The following RUFY4 variants were observed in gnomAD, a reference collection of about 807,000 sequenced individuals.
RUFY4 encodes RUN and FYVE domain-containing protein 4.
In RUFY4, 73 loss-of-function variants were observed where a neutral mutation model predicts 69.0. The ratio of observed to expected loss-of-function variants is 1.06; its 90% CI spans 0.88 to 1.29. RUFY4 has a LOEUF of 1.29. Among genes scored for constraint, RUFY4 ranks in the 50% most tolerant of loss-of-function variants. The pLI is 0.00. For synonymous variants in RUFY4, 287 were observed against 271.8 expected, an observed-to-expected ratio of 1.06 and a Z score of -0.55; for missense variants, 770 against 705.6, an observed-to-expected ratio of 1.09 and a Z score of -1.03.
At position 218,089,944 on chromosome 2, in the gene RUFY4, C is replaced by T; in HGVS notation, c.1614-8C>T. On this transcript the variant is annotated splice_region_variant and splice_polypyrimidine_tract_variant and intron_variant, in intron 10 of 10. Transcript: ENST00000344321. ...GCCGCCCCAGGCTTTCCTGCCTCTG[C>T]CTTCCAGGCTCTGTGGAGGCCTGCT... The T allele has an allele frequency of 6.4e-7, 1 of 1,553,260 alleles. No individual in the cohort carries two copies. The highest frequency in any genetic ancestry group is 8.7e-7 in the Non-Finnish European group (1 of 1,147,578).
At chr2:218,082,236 C>T (rs529875118) in intron 8 of RUFY4, among the ~76,000 whole-genome samples, 1 of 152,316 alleles carries the variant, frequency 6.6e-6, no homozygotes, top group East Asian at 1.9e-4. Flanking sequence ...TTTACTATTA[C>T]TTTTTTAATT....
chr2:218,067,657 G>A (rs530136075), upstream of RUFY4, among the ~76,000 whole-genome samples: 33 of 152,264 alleles, frequency 2.2e-4, 1 homozygote, highest in East Asian at 3.3e-3. Flanking sequence ...CCAAGAGGCC[G>A]CTTAGAAACC....
chr2:218,060,993 TC>T lies in RUFY4; in HGVS notation c.-1071+2314del, dbSNP rs776130649. 11 of 779,796 alleles carry T rather than the reference TC, an allele frequency of 1.4e-5. 1 individual carries two copies. 48.3% of individuals were successfully genotyped at this position (779,796 alleles called of 1,614,324 possible). A position where few individuals can be genotyped will look rare whatever the true frequency, so the allele number is the denominator to read the frequency against. On this transcript the variant is annotated intron_variant and NMD_transcript_variant, in intron 3 of 13. Coordinates refer to the RUFY4 transcript ENST00000457754. The stretch of plus-strand genomic sequence containing the variant: ...GGCATGGACAATGGCCAGGTAACAG[TC>T]CATGCTGCGGCAGGCCAGTAGTAGA...
intron 1 of RUFY4, 31 bp from the exon 4 acceptor site, chr2:218,070,722 A>G (rs780760261): frequency 6.5e-7 from 1 of 1,535,654 alleles, no homozygotes; most frequent in South Asian, 1.2e-5. Flanking sequence ...CCCCTCCCTC[A>G]GCGACCTGAC....
At chr2:218,076,445 C>T (rs544539810) in exon 8 of RUFY4, 64 of 1,549,910 alleles carry the variant, frequency 4.1e-5, no homozygotes, top group South Asian at 2.6e-4. Flanking sequence ...ACTTGGGCTC[C>T]GGAAGGCTGA....
At chr2:218,048,267 G>T (rs1304600580) in intron 2 of RUFY4, among the ~76,000 whole-genome samples, 1 of 152,058 alleles carries the variant, frequency 6.6e-6, no homozygotes, top group East Asian at 1.9e-4. Flanking sequence ...CATGTCCTTT[G>T]CCCACTTTTT....
Position 218,089,382 on chromosome 2 carries a change from A to C in RUFY4, c.1613+20A>C. The C allele has an allele frequency of 3.1e-6, 5 of 1,602,876 alleles. No homozygotes were observed. Among genetic ancestry groups the C allele is most frequent in the Non-Finnish European group, 4.3e-6 (5 of 1,171,218 alleles). On this transcript the variant is annotated intron_variant, in intron 10 of 10. Transcript: ENST00000344321. ...ATGCAGGTAAAGGGAAGGGCACAGAATCCTCCCTCTGGGACAGCCCAGTTT... is the reference window on the plus strand; with the variant it reads ...ATGCAGGTAAAGGGAAGGGCACAGACTCCTCCCTCTGGGACAGCCCAGTTT...
At chr2:218,075,732 G>C (rs1275979350) in exon 7 of RUFY4, 6 of 1,441,148 alleles carry the variant, frequency 4.2e-6, no homozygotes, top group Non-Finnish European at 5.5e-6. Context: ...CCTGCAGGAC[G>C]AGATCAAGGT....
chr2:218,072,415 G>T (rs1384498332), exon 3 of RUFY4: 1 of 1,537,430 alleles, frequency 6.5e-7, no homozygotes. Context: ...GGCCTCGGAA[G>T]GATTACTGGG....
At chr2:218,067,851 A>T (rs977437613), upstream of RUFY4, among the ~76,000 whole-genome samples, 5 of 152,022 alleles carry the variant, frequency 3.3e-5, no homozygotes, top group African/African-American at 4.8e-5. Context: ...CCCAACAGGC[A>T]CCCCCTCATC....
chr2:218,054,244 C>T (rs532146385), intron 2 of RUFY4, among the ~76,000 whole-genome samples: 78 of 152,232 alleles, frequency 5.1e-4, no homozygotes, highest in Admixed American at 1.0e-3. Context: ...TAAATACAGG[C>T]TTTTAATTAC....
chr2:218,063,065 C>G (rs1368172817), intron 3 of RUFY4, among the ~76,000 whole-genome samples: 3 of 152,232 alleles, frequency 2.0e-5, no homozygotes, highest in Non-Finnish European at 4.4e-5. Flanking sequence ...AGGAGAGATC[C>G]CGCTCTGGGG....
chr2:218,072,514 G>C lies in RUFY4; in HGVS notation c.279+15G>C. 6.5e-7 allele frequency: 1 copy of C among 1,536,256 alleles called. No individual in the cohort carries two copies. The highest frequency in any genetic ancestry group is 1.2e-5 in the South Asian group (1 of 83,994). The stretch of plus-strand genomic sequence containing the variant: ...CCCAGGACAAGGTATCCAGGGCCAG[G>C]CAGCAAGAAGGCTGACGGGGTGGGG... On this transcript the variant is annotated intron_variant, in intron 3 of 10. Coordinates refer to ENST00000344321, the Ensembl canonical transcript of RUFY4.
intron 2 of RUFY4, among the ~76,000 whole-genome samples, chr2:218,051,587 A>AAC (rs1460519454): frequency 7.8e-5 from 11 of 141,708 alleles, no homozygotes; most frequent in African/African-American, 2.5e-4. Context: ...AAAAAAAAAA[A>AAC]ACACAGAAAA....
At chr2:218,036,255 G>A (rs1958975703) in intron 2 of RUFY4, among the ~76,000 whole-genome samples, 1 of 152,156 alleles carries the variant, frequency 6.6e-6, no homozygotes, top group Non-Finnish European at 1.5e-5. Flanking sequence ...AAATAGAGCT[G>A]GGATTTTCCC....
At chr2:218,072,471 C>G in exon 3 of RUFY4, 1 of 1,537,266 alleles carries the variant, frequency 6.5e-7, no homozygotes, top group Non-Finnish European at 8.7e-7. Flanking sequence ...AACATGGAGC[C>G]AATCCACTTT....
At chr2:218,055,874 A>G (rs1689050194) in intron 2 of RUFY4, among the ~76,000 whole-genome samples, 1 of 152,156 alleles carries the variant, frequency 6.6e-6, no homozygotes, top group Non-Finnish European at 1.5e-5. Flanking sequence ...ACAACTCCAT[A>G]TGGTAATACG....
intron 3 of RUFY4, chr2:218,060,484 A>T: frequency 7.5e-7 from 1 of 1,331,958 alleles, no homozygotes; most frequent in East Asian, 2.3e-5. Flanking sequence ...GAAGGCGTAG[A>T]TGAGGGGATT....
intron 4 of RUFY4, 81 bp downstream of exon 6, chr2:218,072,966 C>T (rs1410927710): frequency 1.7e-6 from 2 of 1,155,980 alleles, no homozygotes; most frequent in Non-Finnish European, 2.4e-6. Flanking sequence ...CTTTAACCCC[C>T]ACAGATGGCT....
Sources: gnomAD v4.1 joint callset for allele counts (sites outside exome capture counted in the v4.1 genomes callset) on GRCh38, gnomAD v4.1.1 for gene constraint, MANE v1.5 for transcripts, NCBI Gene and HGNC (gene_info 2026-07-23, HGNC 2026-07-21) for gene names.